Variants in SHISA9 observed in about 807,000 individuals in gnomAD.
The protein encoded by SHISA9 is shisa family member 9.
Under a neutral mutation model 38.0 loss-of-function variants are expected in SHISA9, and 13 were observed. That is an observed-to-expected ratio of 0.34 (90% CI 0.22 to 0.54). The LOEUF is 0.54. Ranked by LOEUF, SHISA9 falls within the 20% of genes least tolerant of loss-of-function variation. The pLI, the probability that SHISA9 is intolerant of heterozygous loss-of-function variation, is 0.91. For synonymous variants in SHISA9, 275 were observed against 242.0 expected, an observed-to-expected ratio of 1.14 and a Z score of -1.27; for missense variants, 538 against 575.8, an observed-to-expected ratio of 0.93 and a Z score of 0.67.
intron 2 of SHISA9, among the ~76,000 whole-genome samples, chr16:12,992,531 CAAAACA>C (rs377609310): frequency 2.6e-5 from 4 of 151,460 alleles, no homozygotes; most frequent in Non-Finnish European, 5.9e-5. Context: ...GACTCTGTCT[CAAAACA>C]AAAACAAAAA....
chr16:13,376,477 G>A, the SHISA9 span, among the ~76,000 whole-genome samples: 1 of 152,150 alleles, frequency 6.6e-6, no homozygotes, highest in Non-Finnish European at 1.5e-5. Context: ...CCTCTCTAAT[G>A]TATCTGAAGT....
the SHISA9 span, among the ~76,000 whole-genome samples, chr16:13,306,911 T>G: frequency 9.2e-5 from 14 of 152,350 alleles, no homozygotes; most frequent in Non-Finnish European, 1.8e-4. Flanking sequence ...TATGTATGTG[T>G]GCTTAGACTG....
intron 2 of SHISA9, among the ~76,000 whole-genome samples, chr16:13,095,561 A>G (rs1360363926): frequency 1.3e-5 from 2 of 152,178 alleles, no homozygotes; most frequent in African/African-American, 2.4e-5. Flanking sequence ...TTAGAATAAT[A>G]TTTGCCACAT....
the SHISA9 span, among the ~76,000 whole-genome samples, chr16:13,370,427 G>T: frequency 6.6e-6 from 1 of 152,162 alleles, no homozygotes; most frequent in Non-Finnish European, 1.5e-5. Flanking sequence ...CAGTAGGTCT[G>T]GGATTTAAAC....
intron 2 of SHISA9, among the ~76,000 whole-genome samples, chr16:12,944,029 G>T (rs968834337): frequency 1.3e-5 from 2 of 152,124 alleles, no homozygotes; most frequent in Non-Finnish European, 2.9e-5. Context: ...AAGATGTTTA[G>T]TAGGGTTCCT....
At chr16:13,380,093 C>G in the SHISA9 span, among the ~76,000 whole-genome samples, 1 of 151,524 alleles carries the variant, frequency 6.6e-6, no homozygotes, top group Non-Finnish European at 1.5e-5. Context: ...ATACAGAACA[C>G]AGAGATACAT....
chr16:13,524,178 A>G, the SHISA9 span, among the ~76,000 whole-genome samples: 1 of 152,188 alleles, frequency 6.6e-6, no homozygotes, highest in Non-Finnish European at 1.5e-5. Context: ...CATCCAGGAC[A>G]TAGTTTGAAG....
At chr16:13,446,025 C>G in the SHISA9 span, among the ~76,000 whole-genome samples, 9 of 152,238 alleles carry the variant, frequency 5.9e-5, no homozygotes, top group South Asian at 1.5e-3. Flanking sequence ...TCACCGCAGC[C>G]TCCGACTCCC....
chr16:13,524,733 AT>A, the SHISA9 span, among the ~76,000 whole-genome samples: 33,849 of 145,566 alleles, frequency 0.23, 3,806 homozygotes, highest in South Asian at 0.37. Context: ...TAATTTTTTA[AT>A]TTTTTTTTTT....
chr16:13,144,157 CT>C (rs755627867), intron 2 of SHISA9, among the ~76,000 whole-genome samples: 1,532 of 127,626 alleles, frequency 0.012, 11 homozygotes, highest in African/African-American at 0.023. Context: ...GGGGCTAGTT[CT>C]TTTTTTTTTT....
At chr16:13,107,625 C>T (rs1274802506) in intron 2 of SHISA9, among the ~76,000 whole-genome samples, 2 of 152,052 alleles carry the variant, frequency 1.3e-5, no homozygotes, top group East Asian at 1.9e-4. Flanking sequence ...GGAAGCAGGA[C>T]ATTGAGGCTT....
chr16:13,159,708 G>A (rs1323283114), intron 2 of SHISA9, among the ~76,000 whole-genome samples: 1 of 152,188 alleles, frequency 6.6e-6, no homozygotes, highest in Non-Finnish European at 1.5e-5. Context: ...GCCTCCCTTA[G>A]AGGAGAACAC....
intron 2 of SHISA9, among the ~76,000 whole-genome samples, chr16:12,918,603 T>G (rs555983645): frequency 6.6e-6 from 1 of 152,342 alleles, no homozygotes; most frequent in South Asian, 2.1e-4. Context: ...CAGAGATGGG[T>G]GTCCAGGGAC....
chr16:13,129,956 G>A (rs1232803526), intron 2 of SHISA9, among the ~76,000 whole-genome samples: 1 of 152,140 alleles, frequency 6.6e-6, no homozygotes, highest in East Asian at 1.9e-4. Flanking sequence ...TGGGAACCCA[G>A]CTAGTTTTTT....
intron 2 of SHISA9, among the ~76,000 whole-genome samples, chr16:13,160,039 T>A (rs1027558807): frequency 6.6e-6 from 1 of 152,058 alleles, no homozygotes; most frequent in African/African-American, 2.4e-5. Flanking sequence ...TTGCTATGGG[T>A]GAGTGTTAGG....
At chr16:13,479,915 C>T in the SHISA9 span, among the ~76,000 whole-genome samples, 7 of 152,314 alleles carry the variant, frequency 4.6e-5, no homozygotes, top group Admixed American at 3.9e-4. Flanking sequence ...GATAGAATAG[C>T]GTCTGTTAAG....
At chr16:13,084,098 T>TA (rs34129914) in intron 2 of SHISA9, among the ~76,000 whole-genome samples, 15 of 151,694 alleles carry the variant, frequency 9.9e-5, no homozygotes, top group East Asian at 1.9e-4. Context: ...CATAGTTTTC[T>TA]AAAAAAAAAG....
At chr16:13,517,545 T>G in the SHISA9 span, among the ~76,000 whole-genome samples, 1 of 152,210 alleles carries the variant, frequency 6.6e-6, no homozygotes, top group Non-Finnish European at 1.5e-5. Flanking sequence ...TTAATCAAGT[T>G]AATTCAGTAT....
At chr16:13,011,027 G>A (rs969394098) in intron 2 of SHISA9, among the ~76,000 whole-genome samples, 1 of 152,066 alleles carries the variant, frequency 6.6e-6, no homozygotes, top group African/African-American at 2.4e-5. Flanking sequence ...CGATATTCTT[G>A]CTAATATCTT....
Sources: gnomAD v4.1 joint callset for allele counts (sites outside exome capture counted in the v4.1 genomes callset) on GRCh38, gnomAD v4.1.1 for gene constraint, MANE v1.5 for transcripts, NCBI Gene and HGNC (gene_info 2026-07-23, HGNC 2026-07-21) for gene names.